Variants in EPHA3 observed in about 807,000 individuals in gnomAD.
The protein encoded by EPHA3 is EPH receptor A3, also known as ephrin type-A receptor 3.
In EPHA3, 42 loss-of-function variants were observed where a neutral mutation model predicts 107.1. The observed-to-expected ratio is 0.39, with a 90% CI of 0.31 to 0.51. EPHA3 has a LOEUF of 0.51. Among genes scored for constraint, EPHA3 ranks in the 20% least tolerant of loss-of-function variants. The pLI, the probability that EPHA3 is intolerant of heterozygous loss-of-function variation, is 0.78. For synonymous variants in EPHA3, 461 were observed against 424.8 expected, an observed-to-expected ratio of 1.09 and a Z score of -1.05; for missense variants, 1,183 against 1,211.2, an observed-to-expected ratio of 0.98 and a Z score of 0.35.
chr3:89,406,699 G>T (rs1281680085), intron 7 of EPHA3, among the ~76,000 whole-genome samples: 1 of 152,060 alleles, frequency 6.6e-6, no homozygotes, highest in African/African-American at 2.4e-5. Flanking sequence ...ACAGGGGACG[G>T]GCAAGATTTG....
intron 5 of EPHA3, among the ~76,000 whole-genome samples, chr3:89,385,144 T>G (rs1157705008): frequency 6.6e-6 from 1 of 152,210 alleles, no homozygotes; most frequent in African/African-American, 2.4e-5. Flanking sequence ...AAGGATTTCA[T>G]TATGAAAAAA....
chr3:89,239,994 TG>T (rs1704856727), intron 3 of EPHA3, among the ~76,000 whole-genome samples: 1 of 152,200 alleles, frequency 6.6e-6, no homozygotes, highest in Non-Finnish European at 1.5e-5. Flanking sequence ...TCTGATCCTC[TG>T]GAATAGCCAA....
intron 5 of EPHA3, among the ~76,000 whole-genome samples, chr3:89,384,923 C>T (rs1228331886): frequency 6.6e-6 from 1 of 152,128 alleles, no homozygotes; most frequent in Admixed American, 6.5e-5. Context: ...ACTCACAGCC[C>T]TCTAAAGGAC....
intron 13 of EPHA3, among the ~76,000 whole-genome samples, chr3:89,447,669 G>T (rs1709902913): frequency 6.6e-6 from 1 of 152,116 alleles, no homozygotes. Flanking sequence ...TATGCCATTT[G>T]CTCAGAATAT....
At chr3:89,444,093 A>G (rs554376142) in intron 13 of EPHA3, among the ~76,000 whole-genome samples, 6 of 152,242 alleles carry the variant, frequency 3.9e-5, no homozygotes, top group Admixed American at 3.9e-4. Flanking sequence ...GTGAATGTGT[A>G]TTGTTTATGG....
intron 2 of EPHA3, among the ~76,000 whole-genome samples, chr3:89,201,779 T>C (rs1323840203): frequency 1.3e-5 from 2 of 152,226 alleles, no homozygotes; most frequent in African/African-American, 4.8e-5. Flanking sequence ...CATGGGAAGT[T>C]AACTCTTGTT....
At chr3:89,346,208 G>T (rs1707648946) in intron 5 of EPHA3, among the ~76,000 whole-genome samples, 1 of 123,494 alleles carries the variant, frequency 8.1e-6, no homozygotes, top group Admixed American at 8.0e-5. Context: ...CTTCCACAAT[G>T]GTTGAACTAG....
chr3:89,376,776 C>A (rs909880324), intron 5 of EPHA3, among the ~76,000 whole-genome samples: 2 of 152,024 alleles, frequency 1.3e-5, no homozygotes, highest in South Asian at 2.1e-4. Context: ...TTGTCATCAG[C>A]GTTATTTGCC....
At chr3:89,416,870 T>A (rs1709258979) in intron 10 of EPHA3, among the ~76,000 whole-genome samples, 1 of 151,496 alleles carries the variant, frequency 6.6e-6, no homozygotes, top group Non-Finnish European at 1.5e-5. Context: ...ACTTTTCATA[T>A]CTCTAGTATG....
intron 5 of EPHA3, among the ~76,000 whole-genome samples, chr3:89,362,165 C>T (rs547432619): frequency 2.0e-5 from 3 of 151,112 alleles, no homozygotes; most frequent in South Asian, 2.1e-4. Context: ...CTTCTTCAAG[C>T]GCAAGTAGCT....
chr3:89,334,432 A>G (rs1707353119), intron 3 of EPHA3, among the ~76,000 whole-genome samples: 1 of 152,188 alleles, frequency 6.6e-6, no homozygotes, highest in South Asian at 2.1e-4. Flanking sequence ...TTTTATCTCC[A>G]CTTAGAAAGT....
At chr3:89,318,578 G>A (rs1706965502) in intron 3 of EPHA3, among the ~76,000 whole-genome samples, 1 of 151,804 alleles carries the variant, frequency 6.6e-6, no homozygotes, top group Non-Finnish European at 1.5e-5. Context: ...GCAGTAAATG[G>A]TCAGACGGCC....
At chr3:89,400,117 A>G in intron 7 of EPHA3, 1 of 949,362 alleles carries the variant, frequency 1.1e-6, no homozygotes, top group Non-Finnish European at 1.3e-6. Flanking sequence ...TCAAAAAGGT[A>G]AAATTATGTC....
intron 2 of EPHA3, among the ~76,000 whole-genome samples, chr3:89,189,956 G>A (rs888754561): frequency 1.3e-5 from 2 of 152,046 alleles, no homozygotes; most frequent in Admixed American, 6.6e-5. Context: ...CAGCTCATTT[G>A]GAAGTATAAT....
intron 3 of EPHA3, among the ~76,000 whole-genome samples, chr3:89,273,102 A>G (rs1181208988): frequency 6.6e-6 from 1 of 151,896 alleles, no homozygotes; most frequent in Non-Finnish European, 1.5e-5. Flanking sequence ...TTTTAAAGTA[A>G]TTTTTTAACG....
chr3:89,250,440 C>T (rs554340018), intron 3 of EPHA3, among the ~76,000 whole-genome samples: 1 of 152,116 alleles, frequency 6.6e-6, no homozygotes, highest in Non-Finnish European at 1.5e-5. Context: ...GTCATCGTAC[C>T]TTTATCTACC....
At chr3:89,420,466 A>G (rs1411748721) in intron 11 of EPHA3, among the ~76,000 whole-genome samples, 2 of 151,510 alleles carry the variant, frequency 1.3e-5, no homozygotes, top group Admixed American at 1.3e-4. Flanking sequence ...AATGTGGAAT[A>G]GTTCAACATA....
At chr3:89,227,286 A>G (rs1267445080) in intron 3 of EPHA3, among the ~76,000 whole-genome samples, 8 of 151,994 alleles carry the variant, frequency 5.3e-5, no homozygotes, top group Admixed American at 1.3e-4. Flanking sequence ...TAAGTGAATT[A>G]TTTCAAAATT....
At chr3:89,419,105 A>G in intron 10 of EPHA3, 100 bp from the exon 11 acceptor site, 1 of 1,268,070 alleles carries the variant, frequency 7.9e-7, no homozygotes, top group Non-Finnish European at 1.1e-6. Context: ...AAAGGCACAA[A>G]TATTTTAAAT....
Sources: gnomAD v4.1 joint callset for allele counts (sites outside exome capture counted in the v4.1 genomes callset) on GRCh38, gnomAD v4.1.1 for gene constraint, MANE v1.5 for transcripts, NCBI Gene and HGNC (gene_info 2026-07-23, HGNC 2026-07-21) for gene names.